SLC25A16: variants seen among roughly 807,000 people sequenced by gnomAD.
SLC25A16 encodes the protein mitochondrial coenzyme A transporter SLC25A16.
Under a neutral mutation model 41.5 loss-of-function variants are expected in SLC25A16, and 39 were observed. The ratio of observed to expected loss-of-function variants is 0.94; its 90% CI spans 0.73 to 1.23. The LOEUF (loss-of-function observed/expected upper bound fraction) is 1.23, where lower values mean the gene tolerates loss of function less well. SLC25A16 is among the 50% of genes most tolerant of loss of function. The probability of loss-of-function intolerance (pLI) is 0.00; values close to 1 mark genes in which losing one functional copy is unlikely to be tolerated. For synonymous variants in SLC25A16, 146 were observed against 147.8 expected (o/e 0.99, Z 0.09); for missense variants, 421 against 426.9 (o/e 0.99, Z 0.12).
chr10:68,526,949 C>T (rs2053347241), intron 1 of SLC25A16, among the ~76,000 whole-genome samples: 1 of 152,150 alleles, frequency 6.6e-6, no homozygotes, highest in African/African-American at 2.4e-5. Context: ...ACCCCAGGGT[C>T]TCTGTAAGGG....
intron 4 of SLC25A16, among the ~76,000 whole-genome samples, chr10:68,497,481 A>G (rs10159498): frequency 0.081 from 12,396 of 152,224 alleles, 763 homozygotes; most frequent in African/African-American, 0.17. Flanking sequence ...TGTGACAACT[A>G]AAACTATGTT....
At chr10:68,484,968 A>G (rs1055400620) in intron 8 of SLC25A16, among the ~76,000 whole-genome samples, 5 of 152,258 alleles carry the variant, frequency 3.3e-5, no homozygotes, top group Non-Finnish European at 5.9e-5. Flanking sequence ...TGTGAGTGTA[A>G]AATACACCCT....
At chr10:68,500,392 C>T (rs1471653574) in intron 4 of SLC25A16, among the ~76,000 whole-genome samples, 1 of 152,060 alleles carries the variant, frequency 6.6e-6, no homozygotes, top group Admixed American at 6.6e-5. Context: ...ACTGCAACCT[C>T]CACCTCCCAG....
At chr10:68,512,296 A>C (rs2053077003) in intron 2 of SLC25A16, among the ~76,000 whole-genome samples, 1 of 152,178 alleles carries the variant, frequency 6.6e-6, no homozygotes, top group Admixed American at 6.6e-5. Context: ...CAAATAAATA[A>C]ATAAATACAT....
intron 1 of SLC25A16, among the ~76,000 whole-genome samples, chr10:68,519,910 C>T (rs547657417): frequency 6.0e-5 from 9 of 149,936 alleles, no homozygotes; most frequent in East Asian, 3.9e-4. Context: ...AACGAAACTC[C>T]GTCTCAAAAA....
At position 68,483,855 on chromosome 10, in the gene SLC25A16, G is replaced by A. The variant is rs143901265; in HGVS notation, c.843-267C>T. Among the ~76,000 whole-genome samples, 98 of 152,118 alleles carry A rather than the reference G, an allele frequency of 6.4e-4. 2 individuals carry two copies. In the East Asian group the frequency reaches 0.018, roughly 29 times the overall value. ...TTTTTGTAATTTTTAGTAGAGACGGGGTTTCTCCATGTTGCCCAGGCCAGT... is the reference window on the plus strand; with the variant it reads ...TTTTTGTAATTTTTAGTAGAGACGGAGTTTCTCCATGTTGCCCAGGCCAGT... On this transcript the variant is annotated intron_variant, in intron 8 of 8. Coordinates refer to ENST00000609923, the MANE Select transcript of SLC25A16 (RefSeq NM_152707.4).
chr10:68,492,951 C>G lies in SLC25A16; in HGVS notation c.610+181G>C, dbSNP rs555504755. Among the ~76,000 whole-genome samples the G allele has an allele frequency of 2.0e-4, 28 of 141,490 alleles. No individual in the cohort carries two copies. In the East Asian group the frequency reaches 5.4e-3, roughly 27 times the overall value. 92.8% of individuals were successfully genotyped at this position (141,490 alleles called of 152,430 possible). ...TAAGAAAAAGATGTAAAGTACTTCT[C>G]CAATTATACACGAATAGTCATCTTT... On this transcript the variant is annotated intron_variant, in intron 6 of 8. Transcript: ENST00000609923.
intron 3 of SLC25A16, 38 bp from the exon 4 acceptor site, chr10:68,503,733 T>A: frequency 1.6e-6 from 2 of 1,252,854 alleles, no homozygotes; most frequent in Non-Finnish European, 2.3e-6. Context: ...GAGATATTTT[T>A]TAAATGCTGC....
intron 6 of SLC25A16, 84 bp from the exon 7 acceptor site, chr10:68,488,713 T>C: frequency 9.2e-7 from 1 of 1,088,688 alleles, no homozygotes; most frequent in Non-Finnish European, 1.3e-6. Context: ...AATAAACACA[T>C]TTCCTAATTT....
chr10:68,524,371 G>A (rs947601632), intron 1 of SLC25A16, among the ~76,000 whole-genome samples: 8 of 142,112 alleles, frequency 5.6e-5, no homozygotes, highest in East Asian at 4.1e-4. Flanking sequence ...GTAAAACTTC[G>A]TCTCTACTAA....
chr10:68,517,206 C>T (rs1297371278), intron 1 of SLC25A16: 13 of 997,722 alleles, frequency 1.3e-5, no homozygotes, highest in African/African-American at 6.9e-5. Context: ...TTTACGGAGA[C>T]AGACACTTGA....
At chr10:68,522,622 T>C (rs543856435) in intron 1 of SLC25A16, among the ~76,000 whole-genome samples, 2 of 152,168 alleles carry the variant, frequency 1.3e-5, no homozygotes, top group East Asian at 1.9e-4. Context: ...AAGACCATCC[T>C]TGCTAACACG....
At chr10:68,490,280 C>CT (rs1292136874) in intron 6 of SLC25A16, among the ~76,000 whole-genome samples, 2 of 151,684 alleles carry the variant, frequency 1.3e-5, no homozygotes, top group Non-Finnish European at 1.5e-5. Context: ...CAGCGAGACT[C>CT]TATGTCAAAG....
intron 1 of SLC25A16, among the ~76,000 whole-genome samples, 172 bp downstream of exon 1, chr10:68,527,074 C>T (rs2053348760): frequency 6.6e-6 from 1 of 152,312 alleles, no homozygotes; most frequent in South Asian, 2.1e-4. Context: ...ACCTAGCTGT[C>T]ATTAGTCAAG....
At chr10:68,525,827 A>G (rs1304662819) in intron 1 of SLC25A16, among the ~76,000 whole-genome samples, 1 of 151,876 alleles carries the variant, frequency 6.6e-6, no homozygotes, top group Non-Finnish European at 1.5e-5. Flanking sequence ...TCTCTGAAAC[A>G]TGTGCTGTGT....
At chr10:68,498,769 C>T (rs2133532094) in intron 4 of SLC25A16, among the ~76,000 whole-genome samples, 1 of 152,248 alleles carries the variant, frequency 6.6e-6, no homozygotes, top group Admixed American at 6.5e-5. Context: ...GTACAGTGAG[C>T]ACGTGGTTCT....
At chr10:68,524,459 T>G (rs996531381) in intron 1 of SLC25A16, among the ~76,000 whole-genome samples, 1 of 151,552 alleles carries the variant, frequency 6.6e-6, no homozygotes, top group African/African-American at 2.4e-5. Flanking sequence ...GAGAATCTCT[T>G]GAACCCAGGA....
At chr10:68,514,625 T>C (rs904273632) in intron 2 of SLC25A16, among the ~76,000 whole-genome samples, 1 of 152,240 alleles carries the variant, frequency 6.6e-6, no homozygotes, top group African/African-American at 2.4e-5. Flanking sequence ...TTGAGACTTT[T>C]ACGCATATTG....
chr10:68,479,380 A>G lies in SLC25A16; in HGVS notation c.*4052T>C, dbSNP rs2052460172. 6.6e-6 allele frequency: 1 copy of G among 152,148 alleles called. No homozygotes were observed. The highest frequency in any genetic ancestry group is 1.5e-5 in the Non-Finnish European group (1 of 68,032). 9.4% of individuals were successfully genotyped at this position (152,148 alleles called of 1,614,324 possible). A position where few individuals can be genotyped will look rare whatever the true frequency, so the allele number is the denominator to read the frequency against. On this transcript the variant is annotated 3_prime_UTR_variant, in exon 9 of 9. Transcript: ENST00000609923. ...CTATTAGAGAAATACCTGGTGTTAT[A>G]TGCTGATTTGGGAACCCAAATCAGA...
Sources: allele counts gnomAD v4.1 joint callset (sites outside exome capture counted in the v4.1 genomes callset), GRCh38; gene constraint gnomAD v4.1.1; transcripts MANE v1.5; gene names NCBI Gene and HGNC (gene_info 2026-07-23, HGNC 2026-07-21).